CSMD3: variants seen among roughly 807,000 people sequenced by gnomAD.
CSMD3 encodes CUB and Sushi multiple domains 3.
Under a neutral mutation model 435.2 loss-of-function variants are expected in CSMD3, and 177 were observed. The observed-to-expected ratio is 0.41, with a 90% CI of 0.36 to 0.46. CSMD3 has a LOEUF of 0.46. Ranked by LOEUF, CSMD3 falls within the 20% of genes least tolerant of loss-of-function variation. The pLI is 0.34. For synonymous variants in CSMD3, 1,656 were observed against 1,520.5 expected, an observed-to-expected ratio of 1.09 and a Z score of -2.07; for missense variants, 4,265 against 4,504.6, an observed-to-expected ratio of 0.95 and a Z score of 1.52.
At chr8:112,840,992 C>A (rs2080163887) in intron 11 of CSMD3, among the ~76,000 whole-genome samples, 1 of 151,414 alleles carries the variant, frequency 6.6e-6, no homozygotes, top group Non-Finnish European at 1.5e-5. Flanking sequence ...ATATAATAAT[C>A]TTATAGAATA....
Position 112,800,234 on chromosome 8 carries a change from T to C in CSMD3, c.1900A>G (p.Ser634Gly), listed in dbSNP as rs1425821344. Residue 634 changes from serine to glycine, a missense_variant, in exon 13 of 71, where the codon AGT becomes GGT. Ser to Gly is a moderately conservative substitution (Grantham distance 56, BLOSUM62 0). Around this residue, in one of 3 missense-constraint regions of CSMD3, gnomAD observed 279 missense variants for 369.0 expected, o/e 0.76. Transcript: ENST00000297405. ...TGAAGGTGCAGCCACATTTGGCTAC[T>C]CATGCTCACTATCAAGTCTGGTACA... The part of the protein sequence containing the change: ...SFVPDLIVSM[S>G]SQMWLHLQTD... The C allele has an allele frequency of 1.2e-6, 2 of 1,612,950 alleles. No individual in the cohort carries two copies. The highest frequency in any genetic ancestry group is 1.7e-6 in the Non-Finnish European group (2 of 1,179,144).
chr8:112,946,703 G>A (rs920580790), intron 9 of CSMD3, among the ~76,000 whole-genome samples: 1 of 151,654 alleles, frequency 6.6e-6, no homozygotes, highest in Admixed American at 6.6e-5. Flanking sequence ...AGTCTGACTA[G>A]TCCCCAAATC....
intron 5 of CSMD3, among the ~76,000 whole-genome samples, chr8:113,055,817 C>T (rs977152912): frequency 2.3e-4 from 35 of 152,238 alleles, no homozygotes; most frequent in Admixed American, 2.1e-3. Flanking sequence ...AGGCATTTGG[C>T]ATTGTTATTT....
intron 1 of CSMD3, among the ~76,000 whole-genome samples, chr8:113,402,954 C>A (rs1358321492): frequency 6.6e-6 from 1 of 151,072 alleles, no homozygotes; most frequent in East Asian, 1.9e-4. Context: ...AGTTATAAAT[C>A]AAGTGCACTA....
intron 9 of CSMD3, among the ~76,000 whole-genome samples, chr8:112,940,522 C>A (rs958815): frequency 0.84 from 127,521 of 151,652 alleles, 53,786 homozygotes; most frequent in East Asian, 0.93. Flanking sequence ...GGGCATTTAA[C>A]TTTTTAATTT....
intron 7 of CSMD3, among the ~76,000 whole-genome samples, chr8:112,971,527 C>A (rs913846180): frequency 6.6e-6 from 1 of 152,136 alleles, no homozygotes; most frequent in Non-Finnish European, 1.5e-5. Context: ...ATGCTTATAA[C>A]AACCCTGATG....
intron 32 of CSMD3, among the ~76,000 whole-genome samples, chr8:112,416,750 A>AT (rs530555108): frequency 7.9e-4 from 120 of 152,082 alleles, no homozygotes; most frequent in African/African-American, 2.5e-3. Flanking sequence ...TTTGTTTGTC[A>AT]TTTTTTTCTC....
In CSMD3 at chr8:112,770,384, C is replaced by T. The variant is rs116668717; in HGVS notation, c.1972+29778G>A. 3.2e-3 allele frequency among the ~76,000 whole-genome samples: 493 copies of T among 152,122 alleles called. 1 individual carries two copies. Among genetic ancestry groups the T allele is most frequent in the African/African-American group, 0.011 (466 of 41,536 alleles). The stretch of plus-strand genomic sequence containing the variant: ...CCTCCCCTTCAGAGGATGAAGCGTT[C>T]AAGGCACCATCTTGGAAACAGATAC... On this transcript the variant is annotated intron_variant, in intron 13 of 70. Coordinates refer to ENST00000297405, the MANE Select transcript of CSMD3 (RefSeq NM_198123.2).
At chr8:112,488,375 T>A (rs1473144140) in intron 31 of CSMD3, among the ~76,000 whole-genome samples, 1 of 152,178 alleles carries the variant, frequency 6.6e-6, no homozygotes, top group Non-Finnish European at 1.5e-5. Flanking sequence ...TCTTCTAGGG[T>A]GCGACTAAGG....
At chr8:113,194,427 G>A (rs1012401978) in intron 3 of CSMD3, among the ~76,000 whole-genome samples, 2 of 151,266 alleles carry the variant, frequency 1.3e-5, no homozygotes, top group African/African-American at 4.8e-5. Flanking sequence ...GAGCACAGAG[G>A]ATTTTTAGAC....
chr8:113,305,217 G>A (rs184934427), intron 2 of CSMD3, among the ~76,000 whole-genome samples: 1 of 151,066 alleles, frequency 6.6e-6, no homozygotes, highest in Admixed American at 6.6e-5. Flanking sequence ...TGAGTTAGTG[G>A]GTGCAGCGCA....
intron 31 of CSMD3, among the ~76,000 whole-genome samples, chr8:112,475,520 G>T (rs540852207): frequency 6.6e-5 from 10 of 152,188 alleles, no homozygotes; most frequent in African/African-American, 2.2e-4. Flanking sequence ...TATAGTGAGT[G>T]ATAATTATGC....
At chr8:112,470,060 T>C (rs1818368754) in intron 32 of CSMD3, among the ~76,000 whole-genome samples, 1 of 152,082 alleles carries the variant, frequency 6.6e-6, no homozygotes, top group Non-Finnish European at 1.5e-5. Flanking sequence ...CCATCTGTCA[T>C]CAAAGAGGTA....
chr8:113,398,343 A>G (rs1390669491), intron 1 of CSMD3, among the ~76,000 whole-genome samples: 1 of 152,204 alleles, frequency 6.6e-6, no homozygotes, highest in Non-Finnish European at 1.5e-5. Flanking sequence ...TCACAGGTGT[A>G]TATCTGGATT....
chr8:113,156,264 T>A (rs1197727686), intron 4 of CSMD3, among the ~76,000 whole-genome samples: 2 of 152,096 alleles, frequency 1.3e-5, no homozygotes, highest in Admixed American at 6.6e-5. Flanking sequence ...TGGATACAAC[T>A]GCAATATCTC....
At chr8:112,417,950 T>C (rs1812090437) in intron 32 of CSMD3, among the ~76,000 whole-genome samples, 3 of 152,210 alleles carry the variant, frequency 2.0e-5, no homozygotes. Flanking sequence ...TTGCAAAATC[T>C]ACACATTGTT....
chr8:112,848,972 C>A (rs907210390), intron 11 of CSMD3, among the ~76,000 whole-genome samples: 1 of 152,098 alleles, frequency 6.6e-6, no homozygotes, highest in African/African-American at 2.4e-5. Flanking sequence ...TGATGTGACG[C>A]AAATTTAAAA....
chr8:112,592,748 C>T (rs1831304567), intron 22 of CSMD3, among the ~76,000 whole-genome samples: 1 of 151,974 alleles, frequency 6.6e-6, no homozygotes, highest in South Asian at 2.1e-4. Flanking sequence ...CTACTGTGCT[C>T]AGTTATTTAT....
At chr8:112,421,605 T>C (rs1158112283) in intron 32 of CSMD3, among the ~76,000 whole-genome samples, 4 of 146,948 alleles carry the variant, frequency 2.7e-5, no homozygotes, top group African/African-American at 7.4e-5. Flanking sequence ...CATATAATAA[T>C]ATATGTATAT....
Sources: gnomAD v4.1 joint callset for allele counts (sites outside exome capture counted in the v4.1 genomes callset) on GRCh38, gnomAD v4.1.1 for gene constraint, gnomAD v4.1.1 regional missense constraint, MANE v1.5 for transcripts, NCBI Gene and HGNC (gene_info 2026-07-23, HGNC 2026-07-21) for gene names.